PCSK5: variants seen among roughly 807,000 people sequenced by gnomAD.
PCSK5 encodes proprotein convertase subtilisin/kexin type 5.
Under a neutral mutation model 233.2 loss-of-function variants are expected in PCSK5, and 129 were observed. The observed-to-expected ratio is 0.55, with a 90% CI of 0.48 to 0.64. The LOEUF is 0.64. PCSK5 is among the 30% of genes least tolerant of loss of function. PCSK5 has a pLI of 0.00. For synonymous variants in PCSK5, 825 were observed against 879.2 expected (o/e 0.94, Z 1.09); for missense variants, 2,076 against 2,430.1 (o/e 0.85, Z 3.06).
At chr9:76,277,422 T>C (rs1049747164) in intron 24 of PCSK5, among the ~76,000 whole-genome samples, 5 of 152,176 alleles carry the variant, frequency 3.3e-5, no homozygotes, top group Non-Finnish European at 2.9e-5. Flanking sequence ...ACAAACAGCT[T>C]GCCTATTATG....
chr9:76,324,052 A>G (rs1057338379), intron 32 of PCSK5, among the ~76,000 whole-genome samples: 2 of 151,134 alleles, frequency 1.3e-5, no homozygotes. Context: ...CAGGCTCCTG[A>G]GTAACTGGGA....
intron 3 of PCSK5, among the ~76,000 whole-genome samples, chr9:76,011,340 T>C (rs537918690): frequency 7.2e-5 from 11 of 152,212 alleles, no homozygotes; most frequent in Non-Finnish European, 1.3e-4. Context: ...GGACATATTA[T>C]TGGCCTGTCC....
At chr9:76,039,227 T>C (rs550048667) in intron 5 of PCSK5, among the ~76,000 whole-genome samples, 1 of 152,320 alleles carries the variant, frequency 6.6e-6, no homozygotes, top group East Asian at 1.9e-4. Flanking sequence ...ACTGTAAAAC[T>C]TATTTCAATT....
intron 7 of PCSK5, among the ~76,000 whole-genome samples, chr9:76,080,890 C>T (rs1830808896): frequency 6.6e-6 from 1 of 152,118 alleles, no homozygotes; most frequent in Non-Finnish European, 1.5e-5. Flanking sequence ...AAAATACTGA[C>T]TAATCATGCA....
intron 24 of PCSK5, among the ~76,000 whole-genome samples, chr9:76,263,751 AC>A: frequency 6.6e-6 from 1 of 152,190 alleles, no homozygotes; most frequent in South Asian, 2.1e-4. Flanking sequence ...CACATTGTGC[AC>A]ATGTACCCTA....
intron 5 of PCSK5, among the ~76,000 whole-genome samples, chr9:76,031,245 A>G (rs1051236132): frequency 6.6e-6 from 1 of 152,202 alleles, no homozygotes; most frequent in Non-Finnish European, 1.5e-5. Context: ...CTGTTTGGAT[A>G]GTGGCCACCT....
chr9:76,004,411 A>G (rs192738074), intron 3 of PCSK5, among the ~76,000 whole-genome samples: 1 of 152,128 alleles, frequency 6.6e-6, no homozygotes, highest in Non-Finnish European at 1.5e-5. Flanking sequence ...GTGGATTGAG[A>G]TGATATCTGC....
chr9:76,296,954 G>A, intron 27 of PCSK5, 89 bp downstream of exon 27: 1 of 826,696 alleles, frequency 1.2e-6, no homozygotes. Flanking sequence ...TAGTTATCCA[G>A]GAGAGAAAGG....
intron 2 of PCSK5, among the ~76,000 whole-genome samples, chr9:75,954,921 T>C (rs1825025376): frequency 6.6e-6 from 1 of 152,232 alleles, no homozygotes; most frequent in Non-Finnish European, 1.5e-5. Context: ...GTACCTTCTC[T>C]CTGAACCATG....
chr9:75,950,627 AC>A (rs1824811989), intron 2 of PCSK5, among the ~76,000 whole-genome samples: 1 of 152,196 alleles, frequency 6.6e-6, no homozygotes, highest in East Asian at 1.9e-4. Flanking sequence ...TACTTTACAG[AC>A]AAGCAAATGC....
chr9:76,308,582 G>A, intron 28 of PCSK5, 63 bp from the exon 29 acceptor site: 2 of 908,730 alleles, frequency 2.2e-6, no homozygotes, highest in Non-Finnish European at 3.6e-6. Context: ...ATCTTTTTCA[G>A]TACTGGAATC....
intron 1 of PCSK5, among the ~76,000 whole-genome samples, chr9:75,912,145 A>AT (rs148967301): frequency 0.049 from 7,480 of 151,810 alleles, 302 homozygotes; most frequent in African/African-American, 0.11. Context: ...GAGACTGGAA[A>AT]TTTTTTTTTC....
At chr9:76,219,415 G>A (rs768282567) in intron 20 of PCSK5, among the ~76,000 whole-genome samples, 1 of 152,152 alleles carries the variant, frequency 6.6e-6, no homozygotes, top group South Asian at 2.1e-4. Context: ...CTAAAAAAAC[G>A]AAAGAGGATG....
At chr9:75,963,046 C>G (rs927284589) in intron 2 of PCSK5, among the ~76,000 whole-genome samples, 1 of 152,172 alleles carries the variant, frequency 6.6e-6, no homozygotes, top group African/African-American at 2.4e-5. Flanking sequence ...CAACCACACT[C>G]CTAATACTGT....
chr9:76,293,376 G>A (rs1040451067), intron 25 of PCSK5, among the ~76,000 whole-genome samples: 2 of 152,190 alleles, frequency 1.3e-5, no homozygotes, highest in African/African-American at 2.4e-5. Flanking sequence ...AACTTTTCCA[G>A]AATAGCCTGC....
At chr9:76,213,751 G>C (rs930372977) in intron 20 of PCSK5, among the ~76,000 whole-genome samples, 1 of 151,844 alleles carries the variant, frequency 6.6e-6, no homozygotes, top group Admixed American at 6.6e-5. Flanking sequence ...TCCATCCAAG[G>C]TCATTTTTCA....
At chr9:76,054,376 A>G (rs1829747192) in intron 5 of PCSK5, among the ~76,000 whole-genome samples, 1 of 152,224 alleles carries the variant, frequency 6.6e-6, no homozygotes, top group African/African-American at 2.4e-5. Flanking sequence ...TCCTTTAAAC[A>G]TGGACCAGCA....
At position 76,052,374 on chromosome 9, in the gene PCSK5, C is replaced by T. The variant is rs1057224767; in HGVS notation, c.633-15581C>T. ...AGGAGGTTTAATGGACTCACAGTTC[C>T]ACATGGCCGGGAAGACCTCACAATC... On this transcript the variant is annotated intron_variant, in intron 5 of 37. Transcript: ENST00000674117. Among the ~76,000 whole-genome samples the T allele has an allele frequency of 1.8e-4, 28 of 152,128 alleles. 1 individual carries two copies. The highest frequency in any genetic ancestry group is 6.5e-4 in the African/African-American group (27 of 41,412).
intron 22 of PCSK5, 58 bp downstream of exon 22, chr9:76,233,654 C>T: frequency 6.6e-7 from 1 of 1,521,520 alleles, no homozygotes; most frequent in Non-Finnish European, 9.0e-7. Context: ...CTTCTGATGG[C>T]CATCATTTGG....
Sources: allele counts gnomAD v4.1 joint callset (sites outside exome capture counted in the v4.1 genomes callset), GRCh38; gene constraint gnomAD v4.1.1; transcripts MANE v1.5; gene names NCBI Gene and HGNC (gene_info 2026-07-23, HGNC 2026-07-21).